DDX31: variants seen among roughly 807,000 people sequenced by gnomAD.
DDX31 encodes the protein ATP-dependent DNA helicase DDX31.
Under a neutral mutation model 91.3 loss-of-function variants are expected in DDX31, and 70 were observed. The observed-to-expected ratio is 0.77, with a 90% CI of 0.63 to 0.94. The LOEUF is 0.94. Among genes scored for constraint, DDX31 ranks in the 40% least tolerant of loss-of-function variants. DDX31 has a pLI of 0.00. For synonymous variants in DDX31, 362 were observed against 350.6 expected, an observed-to-expected ratio of 1.03 and a Z score of -0.36; for missense variants, 902 against 925.0, an observed-to-expected ratio of 0.98 and a Z score of 0.32.
intron 9 of DDX31, among the ~76,000 whole-genome samples, chr9:132,648,939 C>G (rs1486910098): frequency 6.6e-6 from 1 of 152,176 alleles, no homozygotes; most frequent in Non-Finnish European, 1.5e-5. Flanking sequence ...TGCCAATGTG[C>G]TCCAATTGCT....
chr9:132,625,526 G>C lies in DDX31; in HGVS notation c.1713+138C>G, dbSNP rs79350761. 1,829 of 677,842 alleles carry C rather than the reference G, an allele frequency of 2.7e-3. 32 individuals carry two copies. The African/African-American group carries it at 0.031, about 11-fold the overall frequency. 42.0% of individuals were successfully genotyped at this position (677,842 alleles called of 1,614,324 possible). ...GAAAAAAAAAAAACAATCAAGATTT[G>C]GCCTCATCTAATGTTCATGGTTCTT... On this transcript the variant is annotated intron_variant, in intron 17 of 19. Coordinates refer to ENST00000372159, the MANE Select transcript of DDX31 (RefSeq NM_022779.9).
intron 19 of DDX31, among the ~76,000 whole-genome samples, chr9:132,597,894 C>T (rs1009039433): frequency 1.3e-5 from 2 of 152,350 alleles, no homozygotes; most frequent in South Asian, 2.1e-4. Context: ...GGAGGGCCCA[C>T]GTGGTGGAAG....
intron 18 of DDX31, 57 bp downstream of exon 18, chr9:132,618,272 TG>T: frequency 6.9e-7 from 1 of 1,458,292 alleles, no homozygotes; most frequent in Admixed American, 1.9e-5. Context: ...TGGGTGAAGG[TG>T]GGGGAGAGCA....
chr9:132,651,114 T>C lies in DDX31; in HGVS notation c.636A>G (p.Leu212=). ...YALVLVPTRE[L]ALQSFDTVQK... is the part of the protein sequence containing the mutation. ...GGACAGTGTCAAAGCTTTGTAGAGCTAGCTGTAAAAATTTTAAAAGTTATA... is the reference window on the plus strand; with the variant it reads ...GGACAGTGTCAAAGCTTTGTAGAGCCAGCTGTAAAAATTTTAAAAGTTATA... The change falls in exon 8 of 20, where the codon CTA becomes CTG. Residue 212 remains leucine, a splice_region_variant and synonymous_variant. Coordinates refer to ENST00000372159, the MANE Select transcript of DDX31 (RefSeq NM_022779.9). 1 of 1,609,182 alleles carries C rather than the reference T, an allele frequency of 6.2e-7. No individual in the cohort carries two copies. The highest frequency in any genetic ancestry group is 1.7e-4 in the Middle Eastern group (1 of 6,036).
At position 132,666,702 on chromosome 9, in the gene DDX31, TTTTG is replaced by T. The variant is rs1444441386; in HGVS notation, c.75+3154_75+3157del. Among the ~76,000 whole-genome samples, 5 of 148,212 alleles carry T rather than the reference TTTTG, an allele frequency of 3.4e-5. No homozygotes were observed. The East Asian group carries it at 6.0e-4, about 18-fold the overall frequency. On this transcript the variant is annotated intron_variant, in intron 1 of 19. Coordinates refer to ENST00000372159, the MANE Select transcript of DDX31 (RefSeq NM_022779.9). ...ACACCCAGCTATTTTTGTGTTTGTT[TTTTG>T]TTTTTGTTTTTTTTTTTTGAGACAG...
chr9:132,599,145 G>A (rs1027074941), intron 19 of DDX31, among the ~76,000 whole-genome samples: 9 of 152,186 alleles, frequency 5.9e-5, no homozygotes, highest in Non-Finnish European at 1.2e-4. Flanking sequence ...CATCCAAACC[G>A]ACTACATGAC....
intron 16 of DDX31, 144 bp downstream of exon 16, chr9:132,630,120 T>C (rs1832630058): frequency 3.5e-6 from 3 of 854,240 alleles, no homozygotes; most frequent in Non-Finnish European, 5.2e-6. Context: ...GTTTTAGTTT[T>C]TGCCACTGGC....
chr9:132,625,198 A>G (rs1832320291), intron 17 of DDX31, among the ~76,000 whole-genome samples: 1 of 152,128 alleles, frequency 6.6e-6, no homozygotes, highest in South Asian at 2.1e-4. Context: ...AATGATCTCA[A>G]CTTTACTCTT....
At chr9:132,650,142 G>T in intron 9 of DDX31, 92 bp downstream of exon 9, 1 of 1,240,504 alleles carries the variant, frequency 8.1e-7, no homozygotes, top group Non-Finnish European at 1.2e-6. Context: ...CTGAGACAAA[G>T]CTCTCAGCAG....
At position 132,617,828 on chromosome 9, in the gene DDX31, CCT is replaced by C. The variant is rs887855097; in HGVS notation, c.1825+500_1825+501del. ...AAAGGGTCTGAATATTAAGTCAACA[CCT>C]CTCTCTTTCATAAATTTCCTAGGAA... On this transcript the variant is annotated intron_variant, in intron 18 of 19. Transcript: ENST00000372159. Among the ~76,000 whole-genome samples the C allele has an allele frequency of 7.5e-4, 114 of 151,894 alleles. 1 individual carries two copies. Among genetic ancestry groups the C allele is most frequent in the Non-Finnish European group, 1.9e-4 (13 of 67,970 alleles).
At chr9:132,645,693 C>T (rs78539769) in intron 13 of DDX31, among the ~76,000 whole-genome samples, 1,809 of 152,266 alleles carry the variant, frequency 0.012, 50 homozygotes, top group African/African-American at 0.042. Flanking sequence ...ATAGACTCCC[C>T]TTGCCCCCAT....
At chr9:132,605,813 AG>A (rs1830979434) in intron 19 of DDX31, among the ~76,000 whole-genome samples, 2 of 152,130 alleles carry the variant, frequency 1.3e-5, no homozygotes, top group South Asian at 4.2e-4. Context: ...CTTTGTGAGG[AG>A]GGGGGTTTGT....
At chr9:132,633,719 G>A (rs905907337) in intron 14 of DDX31, among the ~76,000 whole-genome samples, 3 of 151,378 alleles carry the variant, frequency 2.0e-5, no homozygotes, top group Admixed American at 2.0e-4. Flanking sequence ...AGAAGAGGAA[G>A]GACAGGATAA....
In DDX31 at chr9:132,659,732, G is replaced by C. The variant is rs545141806; in HGVS notation, c.501C>G (p.Leu167=). 1 of 1,612,060 alleles carries C rather than the reference G, an allele frequency of 6.2e-7. No homozygotes were observed. Among genetic ancestry groups the C allele is most frequent in the Admixed American group, 1.7e-5 (1 of 59,778 alleles). ...IPVLLEGRDA[L]VRSQTGSGKT... ...AACCTGAGCCCGTCTGGGATCTCAC[G>C]AGAGCATCTCTGCCTTCCAGCAACA... The change falls in exon 5 of 20, where the codon CTC becomes CTG. Residue 167 remains leucine, a synonymous_variant. Transcript: ENST00000372159.
At chr9:132,606,043 A>G (rs1251547000) in intron 19 of DDX31, among the ~76,000 whole-genome samples, 1 of 152,148 alleles carries the variant, frequency 6.6e-6, no homozygotes, top group Non-Finnish European at 1.5e-5. Context: ...GACAGATTTA[A>G]GGAGGCCGGA....
At chr9:132,619,430 G>A (rs1388613734) in intron 17 of DDX31, among the ~76,000 whole-genome samples, 1 of 152,128 alleles carries the variant, frequency 6.6e-6, no homozygotes, top group Non-Finnish European at 1.5e-5. Context: ...GGGTCGTGCT[G>A]CTTAACCTTG....
chr9:132,667,440 A>G (rs1835387172), intron 1 of DDX31, among the ~76,000 whole-genome samples: 1 of 151,950 alleles, frequency 6.6e-6, no homozygotes, highest in African/African-American at 2.4e-5. Flanking sequence ...ATCTCTATTA[A>G]AAATTCAAAA....
intron 15 of DDX31, 41 bp from the exon 16 acceptor site, chr9:132,630,444 G>A (rs368427298): frequency 2.1e-4 from 329 of 1,546,342 alleles, no homozygotes; most frequent in Non-Finnish European, 2.8e-4. Context: ...ATAGATCAAG[G>A]GACTGCCATT....
At position 132,659,657 on chromosome 9, in the gene DDX31, C is replaced by T. The variant is rs1343933707; in HGVS notation, c.523+53G>A. 3.9e-6 allele frequency: 6 copies of T among 1,553,422 alleles called. No individual in the cohort carries two copies. The African/African-American group carries it at 4.1e-5, about 11-fold the overall frequency. The stretch of plus-strand genomic sequence containing the variant: ...AGACACCGCATGGCAAAACCTAGTG[C>T]ATGACCATGGGCCTGAGCAGATGAA... On this transcript the variant is annotated intron_variant, in intron 5 of 19. Transcript: ENST00000372159.
Sources: allele counts gnomAD v4.1 joint callset (sites outside exome capture counted in the v4.1 genomes callset), GRCh38; gene constraint gnomAD v4.1.1; transcripts MANE v1.5; gene names NCBI Gene and HGNC (gene_info 2026-07-23, HGNC 2026-07-21).